The following ACSS1 variants were observed in gnomAD, a reference collection of about 807,000 sequenced individuals.
ACSS1 encodes the protein acyl-CoA synthetase short chain family member 1.
A neutral mutation model predicts 75.3 loss-of-function variants in ACSS1; 42 were observed. That is an observed-to-expected ratio of 0.56 (90% CI 0.44 to 0.72). The LOEUF (loss-of-function observed/expected upper bound fraction) is 0.72, where lower values mean the gene tolerates loss of function less well. Ranked by LOEUF, ACSS1 falls within the 30% of genes least tolerant of loss-of-function variation. ACSS1 has a pLI of 0.00. For missense variants in ACSS1, 782 were observed against 935.7 expected (o/e 0.84, Z 2.14); for synonymous variants, 380 against 376.8 (o/e 1.01, Z -0.10).
Position 25,047,031 on chromosome 20 carries a change from C to T in ACSS1, c.431+1054G>A, listed in dbSNP as rs541700526. On this transcript the variant is annotated intron_variant, in intron 2 of 13. Transcript: ENST00000323482. ...GAGCAGGACAGGGCCCACTGGGAGC[C>T]GCAGCAGATCCACTAGCATCACTCG... 3.3e-5 allele frequency among the ~76,000 whole-genome samples: 5 copies of T among 152,284 alleles called. No individual in the cohort carries two copies. The East Asian group carries it at 5.8e-4, about 18-fold the overall frequency.
chr20:25,041,960 AC>A (rs1042321229), intron 2 of ACSS1, among the ~76,000 whole-genome samples: 40 of 152,168 alleles, frequency 2.6e-4, no homozygotes, highest in African/African-American at 9.7e-4. Flanking sequence ...CCAAGAAGGT[AC>A]AGGTGGGATC....
At chr20:25,029,813 G>A (rs1445531236) in intron 3 of ACSS1, among the ~76,000 whole-genome samples, 2 of 152,144 alleles carry the variant, frequency 1.3e-5, no homozygotes, top group Non-Finnish European at 2.9e-5. Flanking sequence ...ACTTTAAGAT[G>A]GTTACAACAG....
Position 25,048,186 on chromosome 20 carries a change from A to G in ACSS1, c.335-5T>C. 6.2e-7 allele frequency: 1 copy of G among 1,612,318 alleles called. No homozygotes were observed. Among genetic ancestry groups the G allele is most frequent in the Non-Finnish European group, 8.5e-7 (1 of 1,179,798 alleles). On this transcript the variant is annotated splice_polypyrimidine_tract_variant and splice_region_variant and intron_variant, in intron 1 of 13. Transcript: ENST00000323482. ...CATGCTGGTCCAAGCAGTTGACTGT[A>G]CAAAAAGAGGGTTTGCGGATGTTAC...
intron 5 of ACSS1, among the ~76,000 whole-genome samples, chr20:25,022,014 T>C (rs1389529398): frequency 1.3e-5 from 2 of 151,910 alleles, no homozygotes; most frequent in Non-Finnish European, 2.9e-5. Context: ...TATGGCCAAG[T>C]GTAAGGAAAT....
chr20:25,020,364 G>C (rs946256074), intron 6 of ACSS1, among the ~76,000 whole-genome samples: 1 of 143,378 alleles, frequency 7.0e-6, no homozygotes, highest in Non-Finnish European at 1.5e-5. Flanking sequence ...GCACTCCCCA[G>C]ATCCATGGGC....
At chr20:25,034,564 T>C (rs1392170946) in intron 2 of ACSS1, among the ~76,000 whole-genome samples, 6 of 152,022 alleles carry the variant, frequency 3.9e-5, no homozygotes, top group African/African-American at 1.5e-4. Context: ...ACCTCAATTC[T>C]ATATTTAACC....
At position 25,046,978 on chromosome 20, in the gene ACSS1, A is replaced by G. The variant is rs145065626; in HGVS notation, c.431+1107T>C. The G allele has an allele frequency of 3.8e-3, 2,931 of 774,590 alleles. 18 individuals carry two copies. Among genetic ancestry groups the G allele is most frequent in the Middle Eastern group, 0.012 (51 of 4,424 alleles). The allele number at this position is 774,590 out of a possible 1,614,324, so 48.0% of individuals were successfully genotyped here. On this transcript the variant is annotated intron_variant, in intron 2 of 13. Transcript: ENST00000323482. ...GGCTGGTGGAGCTGTGATGGGCCTG[A>G]GGGCTCCTGGGGGCCGAGGGGAGGA...
intron 7 of ACSS1, among the ~76,000 whole-genome samples, chr20:25,017,809 C>G (rs1225190175): frequency 2.0e-5 from 3 of 152,236 alleles, no homozygotes; most frequent in Admixed American, 1.3e-4. Context: ...CGTGAACCTT[C>G]CTTCAGGAGA....
chr20:25,007,215 A>T lies in ACSS1; in HGVS notation c.*547T>A. The T allele has an allele frequency of 1.7e-6, 2 of 1,204,612 alleles. No homozygotes were observed. Among genetic ancestry groups the T allele is most frequent in the African/African-American group, 1.5e-5 (1 of 65,092 alleles). 74.6% of individuals were successfully genotyped at this position (1,204,612 alleles called of 1,614,324 possible). ...ATTAAAAATGTGGCCTCTGATCCTC[A>T]TGTTTCCTCACCAGTAGAGGCAAAA... is the stretch of plus-strand genomic sequence containing the variant. On this transcript the variant is annotated 3_prime_UTR_variant, in exon 14 of 14. Coordinates refer to ENST00000323482, the MANE Select transcript of ACSS1 (RefSeq NM_032501.4).
intron 3 of ACSS1, among the ~76,000 whole-genome samples, chr20:25,029,840 G>A (rs1245686522): frequency 1.3e-5 from 2 of 152,144 alleles, no homozygotes; most frequent in South Asian, 2.1e-4. Flanking sequence ...TAGGGGAGGG[G>A]AATAATAATA....
chr20:25,053,667 C>A (rs1351865591), intron 1 of ACSS1, among the ~76,000 whole-genome samples: 1 of 152,074 alleles, frequency 6.6e-6, no homozygotes, highest in Non-Finnish European at 1.5e-5. Flanking sequence ...GCCTTCTGAA[C>A]GATTAGAGGC....
In ACSS1 at chr20:25,023,454, G is replaced by A. The variant is rs762269713; in HGVS notation, c.807+12C>T. ...GACCTCGCCTCAAACTGTGCAAAGC[G>A]AGGTAACCCACCTGCTCCAGCGGGA... On this transcript the variant is annotated intron_variant, in intron 4 of 13. Transcript: ENST00000323482. The A allele has an allele frequency of 1.3e-5, 21 of 1,613,708 alleles. No homozygotes were observed. Among genetic ancestry groups the A allele is most frequent in the East Asian group, 2.2e-5 (1 of 44,878 alleles).
intron 2 of ACSS1, among the ~76,000 whole-genome samples, chr20:25,047,400 C>G (rs1300803069): frequency 1.2e-5 from 1 of 81,680 alleles, no homozygotes; most frequent in East Asian, 4.5e-4. Context: ...GCCTTCCTGA[C>G]TATTAGCTCA....
intron 1 of ACSS1, among the ~76,000 whole-genome samples, chr20:25,052,934 C>A (rs543489628): frequency 2.5e-4 from 38 of 152,298 alleles, no homozygotes; most frequent in African/African-American, 9.1e-4. Context: ...CTGACACACA[C>A]GTACGAATTT....
At chr20:25,024,913 A>G (rs1239289889) in intron 3 of ACSS1, among the ~76,000 whole-genome samples, 1 of 152,184 alleles carries the variant, frequency 6.6e-6, no homozygotes, top group Admixed American at 6.5e-5. Context: ...TCTGGCACCA[A>G]GAGCCGTGGC....
chr20:25,035,865 G>A (rs951788161), intron 2 of ACSS1, among the ~76,000 whole-genome samples: 1 of 152,190 alleles, frequency 6.6e-6, no homozygotes. Context: ...AAGTACTCAG[G>A]AACCATTTGA....
chr20:25,032,075 A>G (rs932823100), intron 2 of ACSS1, among the ~76,000 whole-genome samples: 1 of 152,122 alleles, frequency 6.6e-6, no homozygotes, highest in South Asian at 2.1e-4. Context: ...TTTCTCCCCA[A>G]GCTAGGGGAC....
chr20:25,037,737 C>G (rs775960758), intron 2 of ACSS1, among the ~76,000 whole-genome samples: 1 of 152,228 alleles, frequency 6.6e-6, no homozygotes, highest in Non-Finnish European at 1.5e-5. Flanking sequence ...GAGGCTGACC[C>G]CTTCTCACGC....
intron 12 of ACSS1, chr20:25,011,534 G>A (rs2088409524): frequency 6.6e-6 from 1 of 152,270 alleles, no homozygotes; most frequent in African/African-American, 2.4e-5. Context: ...ACCTCAGGGG[G>A]GCACTAAGTT....
Sources: allele counts gnomAD v4.1 joint callset (sites outside exome capture counted in the v4.1 genomes callset), GRCh38; gene constraint gnomAD v4.1.1; transcripts MANE v1.5; gene names NCBI Gene and HGNC (gene_info 2026-07-23, HGNC 2026-07-21).